The following RABGAP1 variants were observed in gnomAD, a reference collection of about 807,000 sequenced individuals.
RABGAP1 encodes the protein RAB GTPase activating protein 1, also known as rab GTPase-activating protein 1.
Under a neutral mutation model 137.6 loss-of-function variants are expected in RABGAP1, and 23 were observed. The observed-to-expected ratio is 0.17, with a 90% CI of 0.12 to 0.24. The LOEUF is 0.24. Among genes scored for constraint, RABGAP1 ranks in the 10% least tolerant of loss-of-function variants. The pLI is 1.00. For synonymous variants in RABGAP1, 451 were observed against 450.7 expected, an observed-to-expected ratio of 1.00 and a Z score of -0.01; for missense variants, 906 against 1,275.8, an observed-to-expected ratio of 0.71 and a Z score of 4.42.
intron 2 of RABGAP1, among the ~76,000 whole-genome samples, chr9:122,978,223 C>T (rs1448610923): frequency 1.3e-5 from 2 of 152,100 alleles, no homozygotes; most frequent in African/African-American, 4.8e-5. Context: ...ATTTCTGTCC[C>T]TATAGTTTTG....
At chr9:122,968,267 G>C (rs1437268012) in intron 2 of RABGAP1, among the ~76,000 whole-genome samples, 1 of 140,356 alleles carries the variant, frequency 7.1e-6, no homozygotes, top group Non-Finnish European at 1.5e-5. Flanking sequence ...CTGTTGCCCA[G>C]GCTGCAGTGC....
At chr9:123,090,746 A>G (rs1225221623) in intron 21 of RABGAP1, among the ~76,000 whole-genome samples, 1 of 152,188 alleles carries the variant, frequency 6.6e-6, no homozygotes, top group African/African-American at 2.4e-5. Context: ...TTGTTATCCT[A>G]CATATTTGGT....
At chr9:123,064,091 G>A (rs1490011746) in intron 13 of RABGAP1, among the ~76,000 whole-genome samples, 4 of 151,830 alleles carry the variant, frequency 2.6e-5, no homozygotes, top group East Asian at 1.9e-4. Flanking sequence ...TCTCACTCTC[G>A]CTTGCTCTCC....
intron 13 of RABGAP1, 85 bp from the exon 14 acceptor site, chr9:123,065,263 G>T: frequency 1.1e-6 from 1 of 947,024 alleles, no homozygotes; most frequent in Non-Finnish European, 1.7e-6. Context: ...TTTAAAGTGT[G>T]TAAATGAGAA....
intron 11 of RABGAP1, among the ~76,000 whole-genome samples, chr9:123,011,007 C>CT (rs966578776): frequency 9.6e-4 from 136 of 141,288 alleles, no homozygotes; most frequent in Middle Eastern, 3.8e-3. Flanking sequence ...TTCTTTGTTT[C>CT]TTTTTTTTTT....
the RABGAP1 span, among the ~76,000 whole-genome samples, chr9:122,934,402 T>G: frequency 6.6e-6 from 1 of 152,184 alleles, no homozygotes; most frequent in African/African-American, 2.4e-5. Context: ...TTCAATCTAT[T>G]TGTGTCTTTG....
intron 6 of RABGAP1, among the ~76,000 whole-genome samples, chr9:122,995,156 G>T (rs1836949827): frequency 6.6e-6 from 1 of 152,024 alleles, no homozygotes; most frequent in Admixed American, 6.6e-5. Context: ...TTTTAATTAA[G>T]CTGATGTTTA....
intron 13 of RABGAP1, among the ~76,000 whole-genome samples, chr9:123,038,446 C>T (rs551391914): frequency 9.9e-5 from 15 of 151,994 alleles, no homozygotes; most frequent in Non-Finnish European, 1.6e-4. Context: ...CCCAGATGGC[C>T]CAGATGGTGG....
At chr9:123,006,393 GTGTGGATT>G (rs2030264601) in intron 10 of RABGAP1, among the ~76,000 whole-genome samples, 1 of 152,164 alleles carries the variant, frequency 6.6e-6, no homozygotes, top group Non-Finnish European at 1.5e-5. Context: ...ATAGCGTAAA[GTGTGGATT>G]TGATTTAATC....
At chr9:122,966,966 C>T (rs968229966) in intron 2 of RABGAP1, among the ~76,000 whole-genome samples, 2 of 152,136 alleles carry the variant, frequency 1.3e-5, no homozygotes, top group African/African-American at 4.8e-5. Context: ...AGACCTGCCT[C>T]CATGATTTAA....
chr9:123,042,261 C>G (rs931019808), intron 13 of RABGAP1, among the ~76,000 whole-genome samples: 3 of 152,238 alleles, frequency 2.0e-5, no homozygotes, highest in Admixed American at 6.5e-5. Flanking sequence ...TAAGGTGATG[C>G]CCATCAATCA....
At chr9:123,099,683 G>C (rs2035284996) in intron 24 of RABGAP1, 134 bp downstream of exon 24, 2 of 700,968 alleles carry the variant, frequency 2.9e-6, no homozygotes. Context: ...CACAGGTCCT[G>C]GCTCAGTAGT....
At position 123,014,705 on chromosome 9, in the gene RABGAP1, A is replaced by G. The variant is rs1159435523; in HGVS notation, c.1550-838A>G. ...GAGACGGAGTCTTGGTCTGTTGCCC[A>G]TGCTGGAGTTCTGTGGTGCGATCTT... On this transcript the variant is annotated intron_variant, in intron 11 of 25. Coordinates refer to ENST00000373647, the MANE Select transcript of RABGAP1 (RefSeq NM_012197.4). 3.0e-5 allele frequency among the ~76,000 whole-genome samples: 4 copies of G among 133,666 alleles called. No individual in the cohort carries two copies. In the East Asian group the frequency reaches 8.8e-4, roughly 29 times the overall value. 87.7% of individuals were successfully genotyped at this position (133,666 alleles called of 152,430 possible). A position where few individuals can be genotyped will look rare whatever the true frequency, so the allele number is the denominator to read the frequency against.
chr9:122,996,107 C>T lies in RABGAP1; in HGVS notation c.990C>T (p.Val330=), dbSNP rs778603374. 2 of 1,613,360 alleles carry T rather than the reference C, an allele frequency of 1.2e-6. No homozygotes were observed. Among genetic ancestry groups the T allele is most frequent in the Admixed American group, 3.3e-5 (2 of 59,862 alleles). ...GCCAAGGAATTGATAAGAAGATTGT[C>T]ATCTATGTGCAGCAAACAACTAATA... ...KLRQGIDKKI[V]IYVQQTTNKE... Residue 330 remains valine (V), a synonymous_variant, in exon 7 of 26, where the codon GTC becomes GTT. Coordinates refer to ENST00000373647, the MANE Select transcript of RABGAP1 (RefSeq NM_012197.4).
At chr9:122,948,468 T>C (rs1001599496) in intron 1 of RABGAP1, among the ~76,000 whole-genome samples, 4 of 152,192 alleles carry the variant, frequency 2.6e-5, no homozygotes, top group Non-Finnish European at 5.9e-5. Flanking sequence ...TCATATGAAC[T>C]TAATACCCAT....
chr9:123,004,149 T>C (rs1224285458), intron 10 of RABGAP1, among the ~76,000 whole-genome samples: 1 of 152,232 alleles, frequency 6.6e-6, no homozygotes, highest in Non-Finnish European at 1.5e-5. Context: ...GTTGTTCCAG[T>C]ATTTCTGATG....
intron 2 of RABGAP1, among the ~76,000 whole-genome samples, chr9:122,982,478 A>G (rs562366416): frequency 6.6e-6 from 1 of 152,330 alleles, no homozygotes; most frequent in African/African-American, 2.4e-5. Flanking sequence ...CACAGCATGT[A>G]ATATGTCTTC....
At chr9:123,095,253 C>T (rs968800802) in intron 21 of RABGAP1, among the ~76,000 whole-genome samples, 3 of 138,626 alleles carry the variant, frequency 2.2e-5, no homozygotes, top group African/African-American at 5.4e-5. Flanking sequence ...AAAAAAAAAG[C>T]CAGCTTTTGC....
chr9:123,068,542 T>G (rs756043822), intron 14 of RABGAP1, among the ~76,000 whole-genome samples: 5 of 152,120 alleles, frequency 3.3e-5, no homozygotes, highest in African/African-American at 4.8e-5. Context: ...AACACAGTAT[T>G]AATACTGGTA....
Sources: gnomAD v4.1 joint callset for allele counts (sites outside exome capture counted in the v4.1 genomes callset) on GRCh38, gnomAD v4.1.1 for gene constraint, MANE v1.5 for transcripts, NCBI Gene and HGNC (gene_info 2026-07-23, HGNC 2026-07-21) for gene names.